Variants in NOVA2 observed in about 807,000 individuals in gnomAD.
The protein encoded by NOVA2 is NOVA alternative splicing regulator 2.
In NOVA2, 9 loss-of-function variants were observed where a neutral mutation model predicts 22.5. That is an observed-to-expected ratio of 0.40 (90% CI 0.24 to 0.70). The LOEUF is 0.70. Among genes scored for constraint, NOVA2 ranks in the 30% least tolerant of loss-of-function variants. The pLI is 0.38. For missense variants in NOVA2, 383 were observed against 682.8 expected (o/e 0.56, Z 4.89); for synonymous variants, 318 against 335.2 (o/e 0.95, Z 0.56).
Position 45,940,432 on chromosome 19 carries a change from C to T in NOVA2, c.910G>A (p.Ala304Thr). 2 of 1,501,916 alleles carry T rather than the reference C, an allele frequency of 1.3e-6. No homozygotes were observed. 93.0% of individuals were successfully genotyped at this position (1,501,916 alleles called of 1,614,324 possible). A position where few individuals can be genotyped will look rare whatever the true frequency, so the allele number is the denominator to read the frequency against. Residue 304 changes from alanine (A) to threonine (T), a missense_variant, in exon 4 of 4, where the codon GCA becomes ACA. Ala to Thr is a moderately conservative substitution (Grantham distance 58). Transcript: ENST00000263257. ...ACGGCGGCCAGGACGCCGGAAGCTG[C>T]GGCCGAGTTGAGGCCCAGGCCCAGG... ...NSLGLGLNSAAASGVLAAVAA... is the reference protein window; with the variant it reads ...NSLGLGLNSATASGVLAAVAA...
intron 1 of NOVA2, among the ~76,000 whole-genome samples, chr19:45,970,378 TG>T (rs1488569511): frequency 0.012 from 910 of 74,598 alleles, 6 homozygotes; most frequent in Non-Finnish European, 0.015. Context: ...TGTTTTTTGT[TG>T]GTTTTTTTTT....
At chr19:45,953,374 T>TTTGTAAACTCTTGTAAACTCTTGTAAACA (rs1197552887) in intron 3 of NOVA2, among the ~76,000 whole-genome samples, 1 of 152,178 alleles carries the variant, frequency 6.6e-6, no homozygotes, top group Non-Finnish European at 1.5e-5. Context: ...TGAGAGGCCA[T>TTTGTAAACTCTTGTAAACTCTTGTAAACA]TTGTAAACTC....
intron 3 of NOVA2, among the ~76,000 whole-genome samples, chr19:45,943,454 C>T (rs1600599021): frequency 6.6e-6 from 1 of 151,688 alleles, no homozygotes; most frequent in South Asian, 2.1e-4. Flanking sequence ...TGGCTCACGC[C>T]TGTAATCCCA....
At chr19:45,961,225 G>A (rs1344704650) in intron 1 of NOVA2, 72 bp from the exon 2 acceptor site, 7 of 1,021,220 alleles carry the variant, frequency 6.9e-6, no homozygotes, top group Admixed American at 2.1e-5. Flanking sequence ...GTGAGCAGAG[G>A]AAACCCCAGG....
At chr19:45,954,214 C>T (rs1014957739) in intron 2 of NOVA2, among the ~76,000 whole-genome samples, 1 of 152,178 alleles carries the variant, frequency 6.6e-6, no homozygotes, top group Non-Finnish European at 1.5e-5. Flanking sequence ...AAATGTTTTG[C>T]GATGCCCACA....
At chr19:45,942,121 T>C (rs776499498) in intron 3 of NOVA2, among the ~76,000 whole-genome samples, 1 of 152,220 alleles carries the variant, frequency 6.6e-6, no homozygotes, top group African/African-American at 2.4e-5. Context: ...TGTGCTCCCC[T>C]AGACATGGTC....
rs1967641253 is a variant in NOVA2 at position 45,935,389 on chromosome 19, AC to A, written c.*4473del. ...TCCAACCACGGCGTGGAGACAGCTG[AC>A]CACAGTGCAAACGGATCGCGATAGC... On this transcript the variant is annotated 3_prime_UTR_variant, in exon 4 of 4. Transcript: ENST00000263257. 6.6e-6 allele frequency: 1 copy of A among 152,336 alleles called. No homozygotes were observed. The highest frequency in any genetic ancestry group is 1.9e-4 in the East Asian group (1 of 5,190). 9.4% of individuals were successfully genotyped at this position (152,336 alleles called of 1,614,324 possible).
At chr19:45,950,090 C>A (rs919801553) in intron 3 of NOVA2, among the ~76,000 whole-genome samples, 1 of 151,854 alleles carries the variant, frequency 6.6e-6, no homozygotes, top group Non-Finnish European at 1.5e-5. Flanking sequence ...ATGCCTTCAC[C>A]TCTCTGTGCC....
At chr19:45,965,441 G>C (rs796356056) in intron 1 of NOVA2, among the ~76,000 whole-genome samples, 1 of 152,182 alleles carries the variant, frequency 6.6e-6, no homozygotes, top group Non-Finnish European at 1.5e-5. Context: ...TAAGAGTGAC[G>C]TTTATGGTCG....
chr19:45,955,381 T>G (rs1967989512), intron 2 of NOVA2, among the ~76,000 whole-genome samples: 1 of 152,128 alleles, frequency 6.6e-6, no homozygotes, highest in Admixed American at 6.5e-5. Context: ...TTTGTAGGAC[T>G]TTTTGGATGA....
chr19:45,954,644 A>T (rs1967976583), intron 2 of NOVA2, among the ~76,000 whole-genome samples: 1 of 152,000 alleles, frequency 6.6e-6, no homozygotes, highest in African/African-American at 2.4e-5. Flanking sequence ...TGGAGGAGTG[A>T]GGACCAAGGA....
At chr19:45,968,652 C>A (rs1361286571) in intron 1 of NOVA2, among the ~76,000 whole-genome samples, 1 of 152,064 alleles carries the variant, frequency 6.6e-6, no homozygotes, top group Non-Finnish European at 1.5e-5. Flanking sequence ...ACCAGCCTTA[C>A]GCTATGTGCT....
Position 45,940,234 on chromosome 19 carries a change from C to T in NOVA2, c.1108G>A (p.Ala370Thr). 1 of 1,091,868 alleles carries T rather than the reference C, an allele frequency of 9.2e-7. No homozygotes were observed. The highest frequency in any genetic ancestry group is 1.1e-6 in the Non-Finnish European group (1 of 902,968). The allele number at this position is 1,091,868 out of a possible 1,614,324, so 67.6% of individuals were successfully genotyped here. The change falls in exon 4 of 4, where the codon GCG becomes ACG. Residue 370 changes from alanine (A) to threonine (T), a missense_variant. Ala to Thr is a moderately conservative substitution (Grantham distance 58, BLOSUM62 0). Coordinates refer to ENST00000263257, the MANE Select transcript of NOVA2 (RefSeq NM_002516.4). ...AAANGYLGAG[A>T]GGGAGGGGGP... is the part of the protein sequence containing the mutation. Reference sequence around the variant, plus strand: ...CCCCCTCCGCCCGCCCCGCCGCCCGCCCCGGCCCCGAGGTAGCCGTTGGCG... The same window carrying T: ...CCCCCTCCGCCCGCCCCGCCGCCCGTCCCGGCCCCGAGGTAGCCGTTGGCG...
At chr19:45,960,985 G>C in intron 2 of NOVA2, 25 bp downstream of exon 2, 1 of 1,563,870 alleles carries the variant, frequency 6.4e-7, no homozygotes, top group African/African-American at 1.4e-5. Context: ...GGGGGCCTAG[G>C]GCAGAGACCT....
Position 45,940,850 on chromosome 19 carries a change from C to T in NOVA2, c.492G>A (p.Val164=), listed in dbSNP as rs918876463. The change falls in exon 4 of 4, where the codon GTG becomes GTA. Residue 164 remains valine (V), a synonymous_variant. Transcript: ENST00000263257. ...TGCCCTCCGGCTTCTGGGACAGCTGCACCCATGCTCCTGACTGTTCCATCA... is the reference window on the plus strand; with the variant it reads ...TGCCCTCCGGCTTCTGGGACAGCTGTACCCATGCTCCTGACTGTTCCATCA... ...KAVMEQSGAW[V]QLSQKPEGIN... 9 of 1,606,168 alleles carry T rather than the reference C, an allele frequency of 5.6e-6. No homozygotes were observed. The highest frequency in any genetic ancestry group is 1.6e-4 in the Middle Eastern group (1 of 6,082).
chr19:45,946,022 A>AT (rs397808783), intron 3 of NOVA2, among the ~76,000 whole-genome samples: 2 of 149,300 alleles, frequency 1.3e-5, no homozygotes, highest in Admixed American at 6.7e-5. Context: ...AAAAAAAAAA[A>AT]GGCCAGGCAT....
intron 2 of NOVA2, among the ~76,000 whole-genome samples, chr19:45,955,014 T>G (rs545925748): frequency 6.6e-6 from 1 of 152,192 alleles, no homozygotes; most frequent in African/African-American, 2.4e-5. Context: ...TGCGTGCCCT[T>G]GTGTGTGGGA....
Position 45,973,274 on chromosome 19 carries a change from G to A in NOVA2, c.78C>T (p.Asn26=). Residue 26 remains asparagine, a synonymous_variant, in exon 1 of 4, where the codon AAC becomes AAT. Coordinates refer to ENST00000263257, the MANE Select transcript of NOVA2 (RefSeq NM_002516.4). The part of the protein sequence containing the change: ...PPEVVCTKRS[N]TGEEGEYFLK... ...GCCGCAGCCCTTTCTCACCTCCCGT[G>A]TTGCTGCGCTTGGTGCAGACCACCT... The A allele has an allele frequency of 4.1e-6, 6 of 1,466,374 alleles. No homozygotes were observed. The highest frequency in any genetic ancestry group is 2.9e-5 in the East Asian group (1 of 34,582). 90.8% of individuals were successfully genotyped at this position (1,466,374 alleles called of 1,614,324 possible).
intron 2 of NOVA2, among the ~76,000 whole-genome samples, chr19:45,956,651 G>A (rs2146419014): frequency 6.6e-6 from 1 of 152,232 alleles, no homozygotes; most frequent in Middle Eastern, 3.4e-3. Context: ...TGCATTTTTT[G>A]TAGAGATGGG....
Sources: gnomAD v4.1 joint callset for allele counts (sites outside exome capture counted in the v4.1 genomes callset) on GRCh38, gnomAD v4.1.1 for gene constraint, MANE v1.5 for transcripts, NCBI Gene and HGNC (gene_info 2026-07-23, HGNC 2026-07-21) for gene names.